EIF4EBP1: variants seen among roughly 807,000 people sequenced by gnomAD.
EIF4EBP1 encodes the protein eukaryotic translation initiation factor 4E binding protein 1, also known as eukaryotic translation initiation factor 4E-binding protein 1.
In EIF4EBP1, 5 loss-of-function variants were observed where a neutral mutation model predicts 9.2. The observed-to-expected ratio is 0.54, with a 90% CI of 0.28 to 1.14. The LOEUF (loss-of-function observed/expected upper bound fraction) is 1.14. Among genes scored for constraint, EIF4EBP1 ranks in the 50% most tolerant of loss-of-function variants. The pLI is 0.09. For missense variants in EIF4EBP1, 139 were observed against 169.6 expected (o/e 0.82, Z 1.00); for synonymous variants, 62 against 67.0 (o/e 0.93, Z 0.36).
intron 1 of EIF4EBP1, among the ~76,000 whole-genome samples, chr8:38,052,302 C>T (rs1293321496): frequency 6.6e-6 from 1 of 151,884 alleles, no homozygotes; most frequent in African/African-American, 2.4e-5. Flanking sequence ...GCTCTGTCTC[C>T]CAGACTGGAG....
chr8:38,044,265 C>T (rs1336039025), intron 1 of EIF4EBP1, among the ~76,000 whole-genome samples: 5 of 152,098 alleles, frequency 3.3e-5, no homozygotes, highest in Admixed American at 1.3e-4. Flanking sequence ...GGGCCATGCG[C>T]GGCTCAGTTT....
In EIF4EBP1 at chr8:38,039,323, G is replaced by A. The variant is rs142077833; in HGVS notation, c.145+8605G>A. On this transcript the variant is annotated intron_variant, in intron 1 of 2. Coordinates refer to ENST00000338825, the MANE Select transcript of EIF4EBP1 (RefSeq NM_004095.4). ...TGCCAGGTGGTTTTGTCCAACTGTA[G>A]GCTAATGTAAGTGTTCTGAGCACAT... Among the ~76,000 whole-genome samples, 108 of 152,014 alleles carry A rather than the reference G, an allele frequency of 7.1e-4. No individual in the cohort carries two copies. In the East Asian group the frequency reaches 0.016, roughly 23 times the overall value.
chr8:38,053,229 G>T (rs1043163745), intron 1 of EIF4EBP1, among the ~76,000 whole-genome samples: 3 of 151,886 alleles, frequency 2.0e-5, no homozygotes, highest in Non-Finnish European at 2.9e-5. Context: ...TGTTGACCAG[G>T]CTGGTCTTGA....
chr8:38,045,564 G>A (rs1809438851), intron 1 of EIF4EBP1, among the ~76,000 whole-genome samples: 1 of 151,678 alleles, frequency 6.6e-6, no homozygotes, highest in South Asian at 2.1e-4. Context: ...AATTAGCTGG[G>A]CATGGTGGTG....
intron 1 of EIF4EBP1, among the ~76,000 whole-genome samples, chr8:38,031,994 C>T (rs541258047): frequency 6.6e-6 from 1 of 152,332 alleles, no homozygotes; most frequent in South Asian, 2.1e-4. Flanking sequence ...CATCCTCTTT[C>T]CCTTGCTGGG....
At chr8:38,039,317 A>G (rs1351563423) in intron 1 of EIF4EBP1, among the ~76,000 whole-genome samples, 3 of 152,010 alleles carry the variant, frequency 2.0e-5, no homozygotes, top group Admixed American at 6.6e-5. Context: ...GTTTTGTCCA[A>G]CTGTAGGCTA....
chr8:38,053,082 G>GA (rs1563235608), intron 1 of EIF4EBP1, among the ~76,000 whole-genome samples: 1 of 152,176 alleles, frequency 6.6e-6, no homozygotes, highest in Non-Finnish European at 1.5e-5. Flanking sequence ...GTAGTGGCAT[G>GA]ATCTTGGCTC....
chr8:38,056,955 A>T, intron 1 of EIF4EBP1, 126 bp from the exon 2 acceptor site: 2 of 999,958 alleles, frequency 2.0e-6, no homozygotes, highest in Non-Finnish European at 3.1e-6. Flanking sequence ...GAGCCACCGC[A>T]CCCAGCCTCC....
At chr8:38,049,008 C>G (rs2130392368) in intron 1 of EIF4EBP1, among the ~76,000 whole-genome samples, 1 of 151,544 alleles carries the variant, frequency 6.6e-6, no homozygotes, top group Middle Eastern at 3.4e-3. Flanking sequence ...GCCTGTAATC[C>G]CAGCTACTCG....
intron 1 of EIF4EBP1, among the ~76,000 whole-genome samples, chr8:38,042,085 A>G (rs527451307): frequency 7.0e-4 from 107 of 152,038 alleles, no homozygotes; most frequent in Non-Finnish European, 1.2e-3. Context: ...ATTGCAGGCC[A>G]TCACCCAAAC....
chr8:38,045,447 G>A (rs1199768985), intron 1 of EIF4EBP1, among the ~76,000 whole-genome samples: 6 of 151,806 alleles, frequency 4.0e-5, no homozygotes, highest in Non-Finnish European at 7.4e-5. Flanking sequence ...TTTATTTATT[G>A]TAATCCCAGA....
At chr8:38,039,659 C>T (rs962322762) in intron 1 of EIF4EBP1, among the ~76,000 whole-genome samples, 1 of 152,136 alleles carries the variant, frequency 6.6e-6, no homozygotes, top group African/African-American at 2.4e-5. Flanking sequence ...CCGCCTCAGC[C>T]TCCCAAAGTG....
chr8:38,037,936 G>C (rs1809327005), intron 1 of EIF4EBP1, among the ~76,000 whole-genome samples: 1 of 151,812 alleles, frequency 6.6e-6, no homozygotes, highest in Non-Finnish European at 1.5e-5. Context: ...ACCACGCCTG[G>C]CTAATCTTTA....
intron 1 of EIF4EBP1, among the ~76,000 whole-genome samples, chr8:38,049,265 A>G (rs1028457987): frequency 2.0e-5 from 3 of 152,106 alleles, no homozygotes; most frequent in African/African-American, 7.2e-5. Context: ...CACCGTTTGC[A>G]GGCTTCCAGT....
chr8:38,047,726 C>A (rs1313021971), intron 1 of EIF4EBP1, among the ~76,000 whole-genome samples: 1 of 152,188 alleles, frequency 6.6e-6, no homozygotes, highest in Non-Finnish European at 1.5e-5. Flanking sequence ...CTCAGGTGAT[C>A]CACCCACCTT....
chr8:38,044,519 G>A (rs926381744), intron 1 of EIF4EBP1, among the ~76,000 whole-genome samples: 6 of 152,288 alleles, frequency 3.9e-5, no homozygotes, highest in East Asian at 1.9e-4. Context: ...GCTCACTGCA[G>A]CCTCAAACTC....
intron 1 of EIF4EBP1, among the ~76,000 whole-genome samples, chr8:38,040,955 A>C (rs551407015): frequency 6.6e-6 from 1 of 152,194 alleles, no homozygotes; most frequent in African/African-American, 2.4e-5. Context: ...ATGCACCACC[A>C]TGCCCAGCTA....
intron 1 of EIF4EBP1, 29 bp downstream of exon 1, chr8:38,030,747 C>T: frequency 1.5e-6 from 2 of 1,375,978 alleles, no homozygotes; most frequent in Non-Finnish European, 9.3e-7. Flanking sequence ...ACGCCGCTTG[C>T]CGGCTCCTGG....
chr8:38,030,793 G>C, intron 1 of EIF4EBP1, 75 bp downstream of exon 1: 1 of 1,369,584 alleles, frequency 7.3e-7, no homozygotes, highest in Non-Finnish European at 9.4e-7. Flanking sequence ...GATTGGACCG[G>C]GTGTCCAGGC....
Sources: allele counts gnomAD v4.1 joint callset (sites outside exome capture counted in the v4.1 genomes callset), GRCh38; gene constraint gnomAD v4.1.1; transcripts MANE v1.5; gene names NCBI Gene and HGNC (gene_info 2026-07-23, HGNC 2026-07-21).